CYRIA: variants seen among roughly 807,000 people sequenced by gnomAD.
CYRIA encodes the protein CYFIP-related Rac1 interactor A.
In CYRIA, 15 loss-of-function variants were observed where a neutral mutation model predicts 43.9. That is an observed-to-expected ratio of 0.34 (90% CI 0.23 to 0.53). CYRIA has a LOEUF of 0.53. CYRIA is among the 20% of genes least tolerant of loss of function. CYRIA has a pLI of 0.94. For synonymous variants in CYRIA, 117 were observed against 136.0 expected (o/e 0.86, Z 0.97); for missense variants, 236 against 394.2 (o/e 0.60, Z 3.40).
chr2:16,630,977 C>T (rs1669314886), intron 1 of CYRIA, among the ~76,000 whole-genome samples: 1 of 152,178 alleles, frequency 6.6e-6, no homozygotes, highest in Admixed American at 6.5e-5. Context: ...CTGAGCCTGA[C>T]CACCCCCAGG....
chr2:16,560,182 C>A (rs1666676915), intron 9 of CYRIA, among the ~76,000 whole-genome samples: 1 of 152,098 alleles, frequency 6.6e-6, no homozygotes, highest in Non-Finnish European at 1.5e-5. Context: ...TTCCTAGAGG[C>A]TTTCTTAGCA....
chr2:16,558,197 T>C lies in CYRIA; in HGVS notation c.837+1263A>G, dbSNP rs1418151626. On this transcript the variant is annotated intron_variant, in intron 10 of 11. Transcript: ENST00000381323. ...TATTTAATTTACTATGTCTTGATTT[T>C]CTAAGTGTCAAAATTTTTTTCACAT... is the stretch of plus-strand genomic sequence containing the variant. 3.9e-5 allele frequency among the ~76,000 whole-genome samples: 6 copies of C among 152,290 alleles called. No homozygotes were observed. The South Asian group carries it at 1.0e-3, about 26-fold the overall frequency.
intron 3 of CYRIA, among the ~76,000 whole-genome samples, chr2:16,571,088 G>A (rs947324896): frequency 3.3e-5 from 5 of 152,168 alleles, no homozygotes; most frequent in African/African-American, 1.2e-4. Flanking sequence ...TGCTACTGTG[G>A]AAAGTTTGAA....
chr2:16,553,053 T>C, intron 11 of CYRIA, 54 bp from the exon 12 acceptor site: 1 of 1,132,694 alleles, frequency 8.8e-7, no homozygotes. Flanking sequence ...CTGTGTAAGC[T>C]TCAGCCCATC....
chr2:16,583,160 T>C (rs1273048471), intron 3 of CYRIA, among the ~76,000 whole-genome samples: 11 of 152,208 alleles, frequency 7.2e-5, no homozygotes, highest in Non-Finnish European at 1.6e-4. Context: ...TTTATTTTCT[T>C]TGGAGAAATG....
intron 1 of CYRIA, among the ~76,000 whole-genome samples, chr2:16,646,500 G>A (rs1458941764): frequency 6.6e-6 from 1 of 152,182 alleles, no homozygotes; most frequent in African/African-American, 2.4e-5. Flanking sequence ...GGGCTCTGGG[G>A]CAGGCAAGCT....
intron 2 of CYRIA, among the ~76,000 whole-genome samples, chr2:16,608,487 T>A (rs1668483613): frequency 6.6e-6 from 1 of 152,166 alleles, no homozygotes; most frequent in Non-Finnish European, 1.5e-5. Context: ...CCAAGTGGAA[T>A]GAGGACGGCG....
chr2:16,555,286 CT>C (rs1572450705), intron 10 of CYRIA, 147 bp from the exon 11 acceptor site: 1 of 723,690 alleles, frequency 1.4e-6, no homozygotes, highest in Non-Finnish European at 2.3e-6. Context: ...TTCCTACCCC[CT>C]CAGGCTGGTG....
At chr2:16,557,655 T>C (rs774079284) in intron 10 of CYRIA, among the ~76,000 whole-genome samples, 3 of 152,146 alleles carry the variant, frequency 2.0e-5, no homozygotes, top group Non-Finnish European at 2.9e-5. Context: ...GCTTTTGACC[T>C]CCACGGACAA....
At chr2:16,655,389 A>C in intron 1 of CYRIA, among the ~76,000 whole-genome samples, 1 of 152,236 alleles carries the variant, frequency 6.6e-6, no homozygotes, top group East Asian at 1.9e-4. Context: ...GAGGAGGCTT[A>C]CAACAAGTTA....
intron 3 of CYRIA, among the ~76,000 whole-genome samples, chr2:16,574,064 C>G (rs1207253415): frequency 6.6e-6 from 1 of 152,096 alleles, no homozygotes; most frequent in Non-Finnish European, 1.5e-5. Context: ...TAGCTTTGAC[C>G]AAAATGCTGA....
chr2:16,593,217 T>C (rs1667989814), intron 2 of CYRIA, among the ~76,000 whole-genome samples: 1 of 152,184 alleles, frequency 6.6e-6, no homozygotes, highest in Non-Finnish European at 1.5e-5. Flanking sequence ...TATGATTCCA[T>C]ATGATTTCCA....
chr2:16,615,796 A>G (rs767619281), intron 2 of CYRIA, among the ~76,000 whole-genome samples: 8 of 152,258 alleles, frequency 5.3e-5, no homozygotes, highest in Non-Finnish European at 7.3e-5. Context: ...TTACTGTAAC[A>G]TTCGGTGGCT....
intron 3 of CYRIA, among the ~76,000 whole-genome samples, chr2:16,578,282 T>C (rs1391493620): frequency 1.3e-5 from 2 of 152,178 alleles, no homozygotes; most frequent in South Asian, 4.1e-4. Flanking sequence ...CATGTGATTT[T>C]CTGAGTGCAC....
At chr2:16,654,148 C>T (rs1002265233) in intron 1 of CYRIA, among the ~76,000 whole-genome samples, 2 of 152,130 alleles carry the variant, frequency 1.3e-5, no homozygotes, top group Non-Finnish European at 2.9e-5. Context: ...AAGGCAAAAC[C>T]CCAAGCGCTC....
rs550946791 is a variant in CYRIA, at chr2:16,573,169, T to C, written c.71-7402A>G. ...CCAGTGTTCCTCAGCTTACATTTCA[T>C]GCCCAGCCCTAGGCTGGACACTGGA... On this transcript the variant is annotated intron_variant, in intron 3 of 11. Coordinates refer to ENST00000381323, the MANE Select transcript of CYRIA (RefSeq NM_030797.4). 6.6e-5 allele frequency among the ~76,000 whole-genome samples: 10 copies of C among 152,336 alleles called. No individual in the cohort carries two copies. The East Asian group carries it at 1.9e-3, about 29-fold the overall frequency.
At chr2:16,608,413 G>A (rs572341598) in intron 2 of CYRIA, among the ~76,000 whole-genome samples, 20 of 152,174 alleles carry the variant, frequency 1.3e-4, no homozygotes, top group Admixed American at 3.3e-4. Flanking sequence ...ATAAATACAC[G>A]GAAGCCCAGA....
chr2:16,632,485 G>A (rs1235789151), intron 1 of CYRIA, among the ~76,000 whole-genome samples: 1 of 152,114 alleles, frequency 6.6e-6, no homozygotes, highest in African/African-American at 2.4e-5. Flanking sequence ...TTCCTCATGT[G>A]AGCCTCAGAG....
At chr2:16,642,660 C>A (rs965218427) in intron 1 of CYRIA, among the ~76,000 whole-genome samples, 3 of 152,038 alleles carry the variant, frequency 2.0e-5, no homozygotes, top group African/African-American at 7.3e-5. Context: ...CCTTGCCGAC[C>A]TCATCCACAG....
Sources: gnomAD v4.1 joint callset for allele counts (sites outside exome capture counted in the v4.1 genomes callset) on GRCh38, gnomAD v4.1.1 for gene constraint, MANE v1.5 for transcripts, NCBI Gene and HGNC (gene_info 2026-07-23, HGNC 2026-07-21) for gene names.